The following TCTN3 variants were observed in gnomAD, a reference collection of about 807,000 sequenced individuals.
TCTN3 encodes the protein tectonic-3.
A neutral mutation model predicts 71.3 loss-of-function variants in TCTN3; 57 were observed. The ratio of observed to expected loss-of-function variants is 0.80; its 90% CI spans 0.65 to 1.00. The LOEUF (loss-of-function observed/expected upper bound fraction) is 1.00, where lower values mean the gene tolerates loss of function less well. Ranked by LOEUF, TCTN3 falls within the 50% of genes least tolerant of loss-of-function variation. The probability of loss-of-function intolerance (pLI) is 0.00; values close to 1 mark genes in which losing one functional copy is unlikely to be tolerated. For missense variants in TCTN3, 696 were observed against 719.9 expected, an observed-to-expected ratio of 0.97 and a Z score of 0.38; for synonymous variants, 258 against 267.8, an observed-to-expected ratio of 0.96 and a Z score of 0.36.
Position 95,687,727 on chromosome 10 carries a change from G to GT in TCTN3, c.500-9dup, listed in dbSNP as rs2097949846. The GT allele has an allele frequency of 3.7e-6, 6 of 1,601,562 alleles. No individual in the cohort carries two copies. Among genetic ancestry groups the GT allele is most frequent in the East Asian group, 2.2e-5 (1 of 44,836 alleles). The stretch of plus-strand genomic sequence containing the variant: ...GGAAATAGTTTAAGTTTGCTAAAAT[G>GT]TTTTTTAAAAGAAAAAGCGTTTAGA... On this transcript the variant is annotated splice_polypyrimidine_tract_variant and intron_variant, in intron 3 of 13. Transcript: ENST00000371217.
In TCTN3 at chr10:95,687,268, A is replaced by G. The variant is rs1223174307; in HGVS notation, c.715T>C (p.Cys239Arg). Reference protein sequence around the residue: ...QPAGVGAGGLCAESNPAGFLE... With the variant: ...QPAGVGAGGLRAESNPAGFLE... ...TCACCTGCAGGATTGCTTTCAGCAC[A>G]GAGTCCCCCAGCTCCAACTCCTGCA... The change falls in exon 5 of 14, where the codon TGT becomes CGT. Residue 239 changes from cysteine to arginine, a missense_variant. By Grantham distance (180) the Cys-to-Arg change is radical. Transcript: ENST00000371217. 5.0e-6 allele frequency: 8 copies of G among 1,613,998 alleles called. No individual in the cohort carries two copies. Among genetic ancestry groups the G allele is most frequent in the Non-Finnish European group, 5.1e-6 (6 of 1,179,986 alleles).
In TCTN3 at chr10:95,693,568, T is replaced by C; in HGVS notation, c.256+76A>G. ...TTCTTCCGACAGCCCCACTCCTGCT[T>C]TGTGGCAGCTCAACTTTGCTCACAG... is the stretch of plus-strand genomic sequence containing the variant. On this transcript the variant is annotated intron_variant, in intron 1 of 13. Coordinates refer to ENST00000371217, the MANE Select transcript of TCTN3 (RefSeq NM_015631.6). The C allele has an allele frequency of 2.6e-6, 4 of 1,547,386 alleles. No individual in the cohort carries two copies. In the South Asian group the frequency reaches 3.6e-5, roughly 14 times the overall value.
intron 13 of TCTN3, among the ~76,000 whole-genome samples, chr10:95,672,509 G>T (rs981782251): frequency 4.6e-5 from 7 of 151,986 alleles, no homozygotes; most frequent in Admixed American, 1.3e-4. Context: ...GAGAATTCCA[G>T]TTGTTCTACA....
Position 95,687,640 on chromosome 10 carries a change from T to C in TCTN3, c.579A>G (p.Glu193=). The part of the protein sequence containing the change: ...FQALAAEFGG[E]SFTSTFQTQS... ...GAGTTTGGAATGTTGAAGTGAATGA[T>C]TCGCCTCCAAACTCTGCAGCCAGGG... Residue 193 remains glutamate (E), a synonymous_variant, in exon 4 of 14, where the codon GAA becomes GAG. Coordinates refer to ENST00000371217, the MANE Select transcript of TCTN3 (RefSeq NM_015631.6). The C allele has an allele frequency of 1.2e-6, 2 of 1,614,196 alleles. No individual in the cohort carries two copies. Among genetic ancestry groups the C allele is most frequent in the Non-Finnish European group, 1.7e-6 (2 of 1,180,016 alleles).
At chr10:95,670,061 C>CAAAAGAAA (rs2097929446) in intron 13 of TCTN3, among the ~76,000 whole-genome samples, 1 of 81,086 alleles carries the variant, frequency 1.2e-5, no homozygotes, top group African/African-American at 4.8e-5. Context: ...GACTCCGTCT[C>CAAAAGAAA]AAAAAAAAAA....
At chr10:95,672,607 T>C (rs2097932762) in intron 13 of TCTN3, among the ~76,000 whole-genome samples, 1 of 151,872 alleles carries the variant, frequency 6.6e-6, no homozygotes, top group Admixed American at 6.6e-5. Flanking sequence ...TGCATATCTC[T>C]AATGATAATG....
intron 9 of TCTN3, 47 bp from the exon 10 acceptor site, chr10:95,683,676 T>C (rs758572015): frequency 2.6e-6 from 4 of 1,518,084 alleles, no homozygotes; most frequent in Admixed American, 1.9e-5. Flanking sequence ...AAGCATACTT[T>C]CCCACCTCCC....
rs1566078587 is a variant in TCTN3 at position 95,693,909 on chromosome 10, A to AT, written c.-11_-10insA. The stretch of plus-strand genomic sequence containing the variant: ...GCTGTGGGGTGCGCATGGGGCATTC[A>AT]GGGCCTCCGGGTCCGACGTAGGCCT... On this transcript the variant is annotated 5_prime_UTR_variant, in exon 1 of 14. The change creates a new upstream start codon in the 5' untranslated region. Coordinates refer to ENST00000371217, the MANE Select transcript of TCTN3 (RefSeq NM_015631.6). 1 of 1,551,378 alleles carries AT rather than the reference A, an allele frequency of 6.4e-7. No individual in the cohort carries two copies. The highest frequency in any genetic ancestry group is 2.4e-5 in the East Asian group (1 of 40,926).
At chr10:95,674,082 A>T (rs2097934302) in intron 13 of TCTN3, among the ~76,000 whole-genome samples, 1 of 152,208 alleles carries the variant, frequency 6.6e-6, no homozygotes, top group African/African-American at 2.4e-5. Flanking sequence ...TAAATTTTAG[A>T]ATCAGCTCAT....
chr10:95,669,939 T>C (rs573650133), intron 13 of TCTN3, among the ~76,000 whole-genome samples: 97 of 151,124 alleles, frequency 6.4e-4, no homozygotes, highest in Non-Finnish European at 1.1e-3. Context: ...GGCGGGCGCC[T>C]GTAGTCCCAG....
intron 13 of TCTN3, among the ~76,000 whole-genome samples, chr10:95,669,711 G>C (rs1421855537): frequency 1.3e-5 from 2 of 152,070 alleles, no homozygotes; most frequent in Admixed American, 1.3e-4. Flanking sequence ...TTTGGAGGTA[G>C]GGAACTAACA....
rs532003031 is a variant in TCTN3 at position 95,680,847 on chromosome 10, C to T, written c.1453-238G>A. 1.5e-4 allele frequency among the ~76,000 whole-genome samples: 22 copies of T among 149,504 alleles called. No individual in the cohort carries two copies. In the East Asian group the frequency reaches 3.4e-3, roughly 23 times the overall value. On this transcript the variant is annotated intron_variant, in intron 12 of 13. Coordinates refer to ENST00000371217, the MANE Select transcript of TCTN3 (RefSeq NM_015631.6). ...AGGCTGGAGTGCAGGGGCACGATCT[C>T]GGCTCACTGCAACCTTTGCCTCCCA...
intron 3 of TCTN3, among the ~76,000 whole-genome samples, chr10:95,691,948 A>G (rs1314643735): frequency 2.0e-5 from 3 of 152,224 alleles, no homozygotes; most frequent in South Asian, 2.1e-4. Flanking sequence ...CAGGACTGAG[A>G]TCCTAATCTA....
rs1566062536 is a variant in TCTN3 at position 95,664,118 on chromosome 10, GA to G, written c.1772del (p.Ile591ThrfsTer14). 2 of 1,614,158 alleles carry G rather than the reference GA, an allele frequency of 1.2e-6. No homozygotes were observed. The highest frequency in any genetic ancestry group is 1.7e-6 in the Non-Finnish European group (2 of 1,180,036). ...VFSQKCSVSP[I>X]LILCLLLLGV... ...CAAGTAGTAAGAGGCACAGGATAAG[GA>G]TGGGAGAGACTGAGCATTTTTGAGA... On this transcript the variant is annotated frameshift_variant, in exon 14 of 14. Coordinates refer to ENST00000371217, the MANE Select transcript of TCTN3 (RefSeq NM_015631.6). LOFTEE classifies it high-confidence loss of function.
intron 8 of TCTN3, among the ~76,000 whole-genome samples, chr10:95,684,961 T>A (rs1456937612): frequency 6.6e-6 from 1 of 152,218 alleles, no homozygotes; most frequent in Non-Finnish European, 1.5e-5. Context: ...CTGGTTTACT[T>A]GGCTCTCACA....
chr10:95,665,835 C>T (rs2097925101), intron 13 of TCTN3, among the ~76,000 whole-genome samples: 2 of 152,118 alleles, frequency 1.3e-5, no homozygotes, highest in Admixed American at 6.6e-5. Flanking sequence ...CCAGGCTGAT[C>T]TCAAACACCT....
intron 13 of TCTN3, among the ~76,000 whole-genome samples, chr10:95,677,491 T>G (rs201781396): frequency 0.18 from 26,993 of 146,114 alleles, 3,334 homozygotes; most frequent in African/African-American, 0.28. Context: ...TTGTTTTTTT[T>G]TTTTTTTTTT....
intron 3 of TCTN3, among the ~76,000 whole-genome samples, chr10:95,689,755 T>G (rs2097951920): frequency 6.6e-6 from 1 of 152,172 alleles, no homozygotes; most frequent in South Asian, 2.1e-4. Context: ...GGTATTTAGA[T>G]TTCTATTACA....
Position 95,693,424 on chromosome 10 carries a change from G to C in TCTN3, c.309C>G (p.Cys103Trp). Reference protein sequence around the residue: ...DLTPGACDINCCCDRDCYLLH... With the variant: ...DLTPGACDINWCCDRDCYLLH... The stretch of plus-strand genomic sequence containing the variant: ...GAAGATAGCAGTCCCTGTCGCAGCA[G>C]CAATTTATATCGCAGGCTCCAGGAG... The change falls in exon 2 of 14, where the codon TGC becomes TGG. Residue 103 changes from cysteine to tryptophan, a missense_variant. Cys to Trp is a radical substitution (Grantham distance 215). Transcript: ENST00000371217. The C allele has an allele frequency of 6.4e-7, 1 of 1,552,100 alleles. No homozygotes were observed. The highest frequency in any genetic ancestry group is 8.7e-7 in the Non-Finnish European group (1 of 1,147,082).
Sources: allele counts gnomAD v4.1 joint callset (sites outside exome capture counted in the v4.1 genomes callset), GRCh38; gene constraint gnomAD v4.1.1; transcripts MANE v1.5; gene names NCBI Gene and HGNC (gene_info 2026-07-23, HGNC 2026-07-21).